The following PHACTR1 variants were observed in gnomAD, a reference collection of about 807,000 sequenced individuals.
PHACTR1 encodes the protein RPEL repeat containing 1.
Under a neutral mutation model 69.2 loss-of-function variants are expected in PHACTR1, and 16 were observed. The observed-to-expected ratio is 0.23, with a 90% confidence interval of 0.16 to 0.35. The LOEUF is 0.35. Among genes scored for constraint, PHACTR1 ranks in the 10% least tolerant of loss-of-function variants. The pLI, the probability that PHACTR1 is intolerant of heterozygous loss-of-function variation, is 1.00. For missense variants in PHACTR1, 510 were observed against 734.7 expected, an observed-to-expected ratio of 0.69 and a Z score of 3.54; for synonymous variants, 312 against 284.5, an observed-to-expected ratio of 1.10 and a Z score of -0.97.
Position 13,272,967 on chromosome 6 carries a change from AT to A in PHACTR1, c.1447+54del, listed in dbSNP as rs1562103387. On this transcript the variant is annotated intron_variant, in intron 11 of 14. Transcript: ENST00000332995. ...CTGATGTTTTGTGGCGGCTTTTGTT[AT>A]TATTTAATGGTAGGCCACAAGGTTT... The A allele has an allele frequency of 6.8e-6, 11 of 1,607,476 alleles. No homozygotes were observed. The Admixed American group carries it at 1.9e-4, about 27-fold the overall frequency.
chr6:13,143,489 C>T (rs1355322140), intron 5 of PHACTR1, among the ~76,000 whole-genome samples: 1 of 152,140 alleles, frequency 6.6e-6, no homozygotes, highest in Non-Finnish European at 1.5e-5. Context: ...CAGATATCTC[C>T]TGGGGATCTT....
intron 10 of PHACTR1, among the ~76,000 whole-genome samples, chr6:13,257,177 C>T (rs1398672480): frequency 2.0e-5 from 3 of 151,972 alleles, no homozygotes; most frequent in Admixed American, 1.3e-4. Flanking sequence ...ATGGCAGGAG[C>T]AGGAGCAAGA....
At chr6:13,193,421 A>C (rs1763905211) in intron 7 of PHACTR1, among the ~76,000 whole-genome samples, 1 of 132,438 alleles carries the variant, frequency 7.6e-6, no homozygotes, top group Non-Finnish European at 1.6e-5. Flanking sequence ...CGGTCTCACT[A>C]TGTTGTCCAA....
intron 5 of PHACTR1, among the ~76,000 whole-genome samples, chr6:13,121,732 G>T (rs943545004): frequency 6.6e-6 from 1 of 152,168 alleles, no homozygotes; most frequent in African/African-American, 2.4e-5. Flanking sequence ...AAGGCTGGCT[G>T]CAGGAAGACA....
chr6:12,925,947 A>T (rs1436609087), intron 4 of PHACTR1, among the ~76,000 whole-genome samples: 1 of 152,138 alleles, frequency 6.6e-6, no homozygotes, highest in East Asian at 1.9e-4. Context: ...CCCTCAAGCC[A>T]TTATCACCTA....
At chr6:13,215,753 T>G (rs777747321) in intron 8 of PHACTR1, among the ~76,000 whole-genome samples, 38 of 152,218 alleles carry the variant, frequency 2.5e-4, no homozygotes, top group Non-Finnish European at 4.1e-4. Context: ...GCAGATTAGA[T>G]ATATTGAAGT....
chr6:12,805,978 G>C (rs1028972040), intron 4 of PHACTR1, among the ~76,000 whole-genome samples: 1 of 152,080 alleles, frequency 6.6e-6, no homozygotes, highest in Non-Finnish European at 1.5e-5. Context: ...ACATTCCTTG[G>C]TGTCATAATG....
At chr6:13,117,917 A>G (rs755441114) in intron 5 of PHACTR1, among the ~76,000 whole-genome samples, 21 of 152,138 alleles carry the variant, frequency 1.4e-4, no homozygotes, top group Non-Finnish European at 2.6e-4. Context: ...GTGCAACCAC[A>G]CCCTCTCCAC....
At chr6:12,985,535 A>AG (rs1369860377) in intron 4 of PHACTR1, among the ~76,000 whole-genome samples, 5 of 136,124 alleles carry the variant, frequency 3.7e-5, no homozygotes, top group African/African-American at 1.5e-4. Context: ...AATTAAAAAA[A>AG]AAAAAAATAT....
At chr6:12,719,790 G>T (rs1761873285) in intron 3 of PHACTR1, among the ~76,000 whole-genome samples, 1 of 152,140 alleles carries the variant, frequency 6.6e-6, no homozygotes, top group Admixed American at 6.5e-5. Context: ...TTCCCAAGTG[G>T]TCCTCTGAAT....
At chr6:12,924,845 A>T (rs1385673433) in intron 4 of PHACTR1, among the ~76,000 whole-genome samples, 3 of 151,916 alleles carry the variant, frequency 2.0e-5, no homozygotes, top group Non-Finnish European at 2.9e-5. Flanking sequence ...ACTCATTTGG[A>T]CCCAACTTTA....
At chr6:12,994,036 T>C (rs914032940) in intron 4 of PHACTR1, among the ~76,000 whole-genome samples, 1 of 151,330 alleles carries the variant, frequency 6.6e-6, no homozygotes, top group Admixed American at 6.6e-5. Context: ...AGAAAAGAAA[T>C]AGAGAATAAA....
rs776154642 is a variant in PHACTR1 at position 13,086,083 on chromosome 6, TAAAAAAAAA to T, written c.415+32569_415+32577del. 2.8e-3 allele frequency among the ~76,000 whole-genome samples: 170 copies of T among 60,292 alleles called. 3 individuals are homozygous for T. Among genetic ancestry groups the T allele is most frequent in the African/African-American group, 0.014 (161 of 11,884 alleles). The allele number at this position is 60,292 out of a possible 152,430, so 39.6% of individuals were successfully genotyped here. A position where few individuals can be genotyped will look rare whatever the true frequency, so the allele number is the denominator to read the frequency against. The stretch of plus-strand genomic sequence containing the variant: ...TAAAAATAAAGAAGATACACATTTC[TAAAAAAAAA>T]AAAAAAAAAAAAAAGCTAAAAGGAA... On this transcript the variant is annotated intron_variant, in intron 5 of 14. Transcript: ENST00000332995.
Position 13,192,500 on chromosome 6 carries a change from G to T in PHACTR1, c.664+9814G>T, listed in dbSNP as rs1039473730. On this transcript the variant is annotated intron_variant, in intron 7 of 14. Transcript: ENST00000332995. The stretch of plus-strand genomic sequence containing the variant: ...GATTGTGGTGAAACTGTGGAGAGCT[G>T]TGAATGTCACGAGGAAGGATTTAAC... Among the ~76,000 whole-genome samples the T allele has an allele frequency of 3.9e-5, 6 of 152,350 alleles. No individual in the cohort carries two copies. In the East Asian group the frequency reaches 1.2e-3, roughly 29 times the overall value.
At chr6:13,198,671 CAT>C (rs2113830815) in intron 7 of PHACTR1, among the ~76,000 whole-genome samples, 1 of 151,802 alleles carries the variant, frequency 6.6e-6, no homozygotes, top group Admixed American at 6.6e-5. Context: ...TAAATCCCGT[CAT>C]GTTTTAAGAA....
At chr6:12,721,220 T>A (rs1390315824) in intron 3 of PHACTR1, among the ~76,000 whole-genome samples, 4 of 152,112 alleles carry the variant, frequency 2.6e-5, no homozygotes, top group African/African-American at 4.8e-5. Flanking sequence ...ACCCTGTCTC[T>A]ACTAAAAATA....
chr6:13,082,127 AT>A lies in PHACTR1; in HGVS notation c.415+28599del, dbSNP rs1811488721. On this transcript the variant is annotated intron_variant, in intron 5 of 14. Transcript: ENST00000332995. ...ATTTCACTGATGGCCCCCCTCTCTC[AT>A]ACACTCCATGTTATTCTGCCTCCTA... Among the ~76,000 whole-genome samples the A allele has an allele frequency of 3.3e-5, 5 of 152,052 alleles. No individual in the cohort carries two copies. The South Asian group carries it at 1.0e-3, about 32-fold the overall frequency.
At chr6:12,944,787 A>ATTTATTTATTTTT (rs1554172585) in intron 4 of PHACTR1, among the ~76,000 whole-genome samples, 4 of 116,340 alleles carry the variant, frequency 3.4e-5, no homozygotes, top group African/African-American at 9.8e-5. Context: ...ATTTTTATTT[A>ATTTATTTATTTTT]TTTTTTTTTT....
At chr6:13,251,286 C>T (rs937757491) in intron 10 of PHACTR1, among the ~76,000 whole-genome samples, 3 of 152,200 alleles carry the variant, frequency 2.0e-5, no homozygotes, top group Non-Finnish European at 4.4e-5. Context: ...CTGAGGGGAA[C>T]GTTACACAAT....
Sources: gnomAD v4.1 joint callset for allele counts (sites outside exome capture counted in the v4.1 genomes callset) on GRCh38, gnomAD v4.1.1 for gene constraint, MANE v1.5 for transcripts, NCBI Gene and HGNC (gene_info 2026-07-23, HGNC 2026-07-21) for gene names.